Variants in KRT78 observed in about 807,000 individuals in gnomAD.
KRT78 encodes the protein keratin 78.
Under a neutral mutation model 51.4 loss-of-function variants are expected in KRT78, and 55 were observed. That is an observed-to-expected ratio of 1.07 (90% CI 0.86 to 1.34). The LOEUF (loss-of-function observed/expected upper bound fraction) is 1.34, where lower values mean the gene tolerates loss of function less well. Among genes scored for constraint, KRT78 ranks in the 40% most tolerant of loss-of-function variants. KRT78 has a pLI of 0.00. For synonymous variants in KRT78, 291 were observed against 264.3 expected (o/e 1.10, Z -0.98); for missense variants, 652 against 649.4 (o/e 1.00, Z -0.04).
chr12:52,843,721 A>C (rs1940572511), intron 6 of KRT78, among the ~76,000 whole-genome samples: 1 of 151,960 alleles, frequency 6.6e-6, no homozygotes, highest in Non-Finnish European at 1.5e-5. Flanking sequence ...AGAAAAAGAA[A>C]AGAAAAGGAA....
chr12:52,839,176 G>C lies in KRT78; in HGVS notation c.1500C>G (p.Ser500=), dbSNP rs1453554007. Reference sequence around the variant, plus strand: ...TCTTCTTCAGGATGGTGTGGCAGCTGGAGCCAGCGCTGGAGCCAGACACAG... The same window carrying C: ...TCTTCTTCAGGATGGTGTGGCAGCTCGAGCCAGCGCTGGAGCCAGACACAG... ...SCSVSGSSAG[S]SCHTILKKTV... The change falls in exon 9 of 9, where the codon TCC becomes TCG. Residue 500 remains serine, a synonymous_variant. Transcript: ENST00000304620. 1 of 1,613,090 alleles carries C rather than the reference G, an allele frequency of 6.2e-7. No individual in the cohort carries two copies. The highest frequency in any genetic ancestry group is 2.2e-5 in the East Asian group (1 of 44,880).
Position 52,845,980 on chromosome 12 carries a change from C to T in KRT78, c.756+217G>A, listed in dbSNP as rs1433944246. ...AAAAAAAAAAAAGCAATTTTTTTAT[C>T]TGTAGTGATTTTTTTCTGGTTATTC... is the stretch of plus-strand genomic sequence containing the variant. On this transcript the variant is annotated intron_variant, in intron 4 of 8. Transcript: ENST00000304620. 1.8e-5 allele frequency: 9 copies of T among 513,312 alleles called. No homozygotes were observed. The East Asian group carries it at 2.5e-4, about 14-fold the overall frequency. The allele number at this position is 513,312 out of a possible 1,614,324, so 31.8% of individuals were successfully genotyped here.
Position 52,839,311 on chromosome 12 carries a change from A to C in KRT78, c.1365T>G (p.Cys455Trp), listed in dbSNP as rs146137092. 3 of 1,613,844 alleles carry C rather than the reference A, an allele frequency of 1.9e-6. No individual in the cohort carries two copies. The highest frequency in any genetic ancestry group is 2.5e-6 in the Non-Finnish European group (3 of 1,179,890). Residue 455 changes from cysteine to tryptophan, a missense_variant, in exon 9 of 9, where the codon TGT becomes TGG. By Grantham distance (215) the Cys-to-Trp change is radical (BLOSUM62 -2). Coordinates refer to ENST00000304620, the MANE Select transcript of KRT78 (RefSeq NM_173352.4). ...GGVGGGLGST[C>W]GLGSGKGSPG... ...GGCTGCCTTTCCCACTACCGAGTCC[A>C]CAAGTGCTCCCCAAGCCTCCACCAA... is the stretch of plus-strand genomic sequence containing the variant.
chr12:52,847,773 C>T (rs538021316), intron 2 of KRT78, 134 bp downstream of exon 2: 32 of 696,000 alleles, frequency 4.6e-5, no homozygotes, highest in African/African-American at 2.1e-4. Context: ...GGAATGGGGA[C>T]GCGGAGGGGT....
intron 6 of KRT78, among the ~76,000 whole-genome samples, chr12:52,843,533 T>G (rs1471448649): frequency 6.7e-6 from 1 of 148,536 alleles, no homozygotes; most frequent in Non-Finnish European, 1.5e-5. Flanking sequence ...CTACTGAAAA[T>G]GCAAAAATTA....
rs576807072 is a variant in KRT78 at position 52,847,175 on chromosome 12, C to T, written c.600-351G>A. 9.8e-5 allele frequency among the ~76,000 whole-genome samples: 15 copies of T among 152,338 alleles called. No homozygotes were observed. In the South Asian group the frequency reaches 2.9e-3, roughly 29 times the overall value. ...CCCACAGATGACTAGGTAGACAAAG[C>T]AGAGCCAGCCCAGGTCTTCTGACCC... On this transcript the variant is annotated intron_variant, in intron 2 of 8. Transcript: ENST00000304620.
chr12:52,843,627 T>G (rs1241140981), intron 6 of KRT78, among the ~76,000 whole-genome samples: 2 of 141,950 alleles, frequency 1.4e-5, no homozygotes, highest in African/African-American at 2.7e-5. Flanking sequence ...AGGCAGAGGT[T>G]GCAGTAAGCC....
intron 6 of KRT78, among the ~76,000 whole-genome samples, chr12:52,842,902 G>A (rs1446674805): frequency 1.3e-5 from 2 of 148,618 alleles, no homozygotes; most frequent in East Asian, 2.0e-4. Context: ...GCTGACAACA[G>A]TGAAACTCCA....
At chr12:52,843,718 G>GA (rs1220146075) in intron 6 of KRT78, among the ~76,000 whole-genome samples, 1 of 147,264 alleles carries the variant, frequency 6.8e-6, no homozygotes, top group East Asian at 2.0e-4. Flanking sequence ...AAAAGAAAAA[G>GA]AAAAGAAAAG....
At position 52,839,995 on chromosome 12, in the gene KRT78, G is replaced by T. The variant is rs992245165; in HGVS notation, c.1048-11C>A. On this transcript the variant is annotated splice_polypyrimidine_tract_variant and intron_variant, in intron 6 of 8. Coordinates refer to ENST00000304620, the MANE Select transcript of KRT78 (RefSeq NM_173352.4). ...CTGCAGGCTGGCGTTCTGGAAGCGG[G>T]GTAGAAATGAGCGAGAAGGTGGTTG... is the stretch of plus-strand genomic sequence containing the variant. 6.2e-7 allele frequency: 1 copy of T among 1,604,656 alleles called. No individual in the cohort carries two copies. Among genetic ancestry groups the T allele is most frequent in the South Asian group, 1.1e-5 (1 of 90,790 alleles).
chr12:52,844,274 TCTC>T, intron 5 of KRT78, 56 bp from the exon 6 acceptor site: 1 of 1,532,658 alleles, frequency 6.5e-7, no homozygotes, highest in Admixed American at 2.3e-5. Flanking sequence ...CCTTTGACCA[TCTC>T]CTCATGTTTG....
chr12:52,841,212 G>A (rs958599288), intron 6 of KRT78, among the ~76,000 whole-genome samples: 1 of 152,166 alleles, frequency 6.6e-6, no homozygotes, highest in South Asian at 2.1e-4. Flanking sequence ...TACCGGGCGC[G>A]GTGGCTCACG....
chr12:52,844,025 A>G, intron 6 of KRT78, 68 bp downstream of exon 6: 3 of 1,581,246 alleles, frequency 1.9e-6, no homozygotes, highest in Non-Finnish European at 2.6e-6. Flanking sequence ...GAGAGAAGCT[A>G]GGAACTGGGA....
intron 6 of KRT78, among the ~76,000 whole-genome samples, chr12:52,842,959 G>GAGAGAGAGAGAGAGAAAGGA (rs1299063277): frequency 9.3e-5 from 5 of 53,760 alleles, no homozygotes; most frequent in African/African-American, 3.5e-4. Context: ...GAGAGAGAGA[G>GAGAGAGAGAGAGAGAAAGGA]AGGAAGGAAG....
Position 52,839,149 on chromosome 12 carries a change from T to C in KRT78, c.1527A>G (p.Thr509=). ...TGGATGTCTTCAGACTCGACTCAAC[T>C]GTCTTCTTCAGGATGGTGTGGCAGC... is the stretch of plus-strand genomic sequence containing the variant. ...GSSCHTILKK[T]VESSLKTSIT... The change falls in exon 9 of 9, where the codon ACA becomes ACG. Residue 509 remains threonine (T), a synonymous_variant. Transcript: ENST00000304620. The C allele has an allele frequency of 1.2e-6, 2 of 1,613,458 alleles. No individual in the cohort carries two copies. The highest frequency in any genetic ancestry group is 2.2e-5 in the East Asian group (1 of 44,884).
chr12:52,845,207 G>A (rs866579268), intron 4 of KRT78, among the ~76,000 whole-genome samples: 51 of 151,958 alleles, frequency 3.4e-4, no homozygotes, highest in African/African-American at 8.4e-4. Flanking sequence ...TAGCGACAGC[G>A]TTTCACTAGG....
At chr12:52,847,872 G>A (rs565196444) in intron 2 of KRT78, 35 bp downstream of exon 2, 33 of 1,585,360 alleles carry the variant, frequency 2.1e-5, no homozygotes, top group Admixed American at 1.0e-4. Context: ...CCCAGACCCC[G>A]CCCACATGGC....
intron 6 of KRT78, among the ~76,000 whole-genome samples, chr12:52,840,701 A>G (rs1940474213): frequency 6.6e-6 from 1 of 152,106 alleles, no homozygotes; most frequent in African/African-American, 2.4e-5. Flanking sequence ...GCAAGACTCC[A>G]TCTCAAAAAA....
At chr12:52,841,784 G>A (rs940231855) in intron 6 of KRT78, among the ~76,000 whole-genome samples, 9 of 152,160 alleles carry the variant, frequency 5.9e-5, no homozygotes, top group Non-Finnish European at 8.8e-5. Flanking sequence ...AAAGGAGCAG[G>A]GGACAGTGCT....
Sources: gnomAD v4.1 joint callset for allele counts (sites outside exome capture counted in the v4.1 genomes callset) on GRCh38, gnomAD v4.1.1 for gene constraint, MANE v1.5 for transcripts, NCBI Gene and HGNC (gene_info 2026-07-23, HGNC 2026-07-21) for gene names.